The following SMYD2 variants were observed in gnomAD, a reference collection of about 807,000 sequenced individuals.
SMYD2 encodes the protein N-lysine methyltransferase SMYD2.
Under a neutral mutation model 59.1 loss-of-function variants are expected in SMYD2, and 53 were observed. The observed-to-expected ratio is 0.90, with a 90% CI of 0.72 to 1.13. SMYD2 has a LOEUF of 1.13. Among genes scored for constraint, SMYD2 ranks in the 50% most tolerant of loss-of-function variants. The pLI, the probability that SMYD2 is intolerant of heterozygous loss-of-function variation, is 0.00. For missense variants in SMYD2, 494 were observed against 544.7 expected (o/e 0.91, Z 0.93); for synonymous variants, 208 against 198.8 (o/e 1.05, Z -0.39).
intron 7 of SMYD2, among the ~76,000 whole-genome samples, chr1:214,328,462 A>ACCTAC (rs35438099): frequency 6.6e-6 from 1 of 151,878 alleles, no homozygotes; most frequent in South Asian, 2.1e-4. Flanking sequence ...GTGATTCCTG[A>ACCTAC]CTACCTCATG....
chr1:214,300,800 T>G (rs187456353), intron 1 of SMYD2, among the ~76,000 whole-genome samples: 1 of 152,332 alleles, frequency 6.6e-6, no homozygotes, highest in Admixed American at 6.5e-5. Context: ...CTCATTATCT[T>G]CATTTGAAAA....
At chr1:214,310,640 A>C (rs1220758196) in intron 2 of SMYD2, among the ~76,000 whole-genome samples, 2 of 152,000 alleles carry the variant, frequency 1.3e-5, no homozygotes, top group African/African-American at 4.8e-5. Context: ...ACATTTAAAA[A>C]AGCATAAAGA....
At chr1:214,286,666 A>C (rs1656551148) in intron 1 of SMYD2, among the ~76,000 whole-genome samples, 1 of 146,880 alleles carries the variant, frequency 6.8e-6, no homozygotes, top group Admixed American at 6.9e-5. Flanking sequence ...AGGCTGAGGC[A>C]GGAGAATGGC....
intron 1 of SMYD2, among the ~76,000 whole-genome samples, chr1:214,286,051 G>A (rs539868377): frequency 6.6e-6 from 1 of 152,340 alleles, no homozygotes. Context: ...CCTTATTTCA[G>A]TAGAAACCGC....
At chr1:214,335,942 A>G (rs1273907777) in intron 11 of SMYD2, among the ~76,000 whole-genome samples, 4 of 152,236 alleles carry the variant, frequency 2.6e-5, no homozygotes, top group African/African-American at 9.6e-5. Flanking sequence ...GCTTTTCGAA[A>G]GGGAAAAATA....
Position 214,281,342 on chromosome 1 carries a change from G to A in SMYD2, c.88G>A (p.Gly30Arg). Residue 30 changes from glycine (G) to arginine (R), a missense_variant, in exon 1 of 12, where the codon GGG becomes AGG. Physicochemically the swap from Gly to Arg is moderately radical, Grantham distance 125. Transcript: ENST00000366957. ...GCGGGCTCTGCAGCCCTTCCAGGTGGGGGACTTGCTGTTCTCCTGCCCGGC... is the reference window on the plus strand; with the variant it reads ...GCGGGCTCTGCAGCCCTTCCAGGTGAGGGACTTGCTGTTCTCCTGCCCGGC... ...GLRALQPFQVGDLLFSCPAYA... is the reference protein window; with the variant it reads ...GLRALQPFQVRDLLFSCPAYA... 2 of 1,448,678 alleles carry A rather than the reference G, an allele frequency of 1.4e-6. 1 individual carries two copies. The highest frequency in any genetic ancestry group is 3.0e-5 in the South Asian group (2 of 65,842). 89.7% of individuals were successfully genotyped at this position (1,448,678 alleles called of 1,614,324 possible).
chr1:214,284,773 C>G (rs1197777799), intron 1 of SMYD2, among the ~76,000 whole-genome samples: 3 of 152,194 alleles, frequency 2.0e-5, no homozygotes, highest in Non-Finnish European at 4.4e-5. Flanking sequence ...ACCTCAGCCT[C>G]TCAAAGTGCT....
chr1:214,317,247 A>G (rs1657101475), intron 3 of SMYD2, among the ~76,000 whole-genome samples: 2 of 152,208 alleles, frequency 1.3e-5, no homozygotes, highest in Admixed American at 6.5e-5. Context: ...TACTACTACT[A>G]CTAATAGTGT....
At chr1:214,299,407 A>G (rs1656784070) in intron 1 of SMYD2, among the ~76,000 whole-genome samples, 1 of 151,712 alleles carries the variant, frequency 6.6e-6, no homozygotes, top group African/African-American at 2.4e-5. Context: ...TGTTCACACT[A>G]GCAAAGACAC....
At chr1:214,316,235 C>T (rs1463598582) in intron 3 of SMYD2, among the ~76,000 whole-genome samples, 1 of 152,038 alleles carries the variant, frequency 6.6e-6, no homozygotes, top group Non-Finnish European at 1.5e-5. Flanking sequence ...CTTTGGGAGG[C>T]CAAGGCAGAA....
At chr1:214,320,292 C>G (rs939207273) in intron 5 of SMYD2, among the ~76,000 whole-genome samples, 3 of 152,156 alleles carry the variant, frequency 2.0e-5, no homozygotes, top group African/African-American at 7.2e-5. Flanking sequence ...TACGAAAACA[C>G]ACATACATAA....
chr1:214,324,618 T>C (rs1190068722), intron 5 of SMYD2, 23 bp from the exon 6 acceptor site: 1 of 1,592,268 alleles, frequency 6.3e-7, no homozygotes, highest in East Asian at 2.2e-5. Context: ...ATTTTTTTCC[T>C]TTCTCCCTTT....
intron 2 of SMYD2, among the ~76,000 whole-genome samples, chr1:214,306,699 A>G (rs1656920443): frequency 1.3e-5 from 2 of 152,264 alleles, no homozygotes; most frequent in African/African-American, 4.8e-5. Context: ...CAGGCCTGCC[A>G]GATGAGTTAG....
chr1:214,330,247 G>C lies in SMYD2; in HGVS notation c.785G>C (p.Cys262Ser). 1 of 1,613,388 alleles carries C rather than the reference G, an allele frequency of 6.2e-7. No homozygotes were observed. The highest frequency in any genetic ancestry group is 8.5e-7 in the Non-Finnish European group (1 of 1,179,518). Residue 262 changes from cysteine (C) to serine (S), a missense_variant, in exon 8 of 12, where the codon TGT becomes TCT. Transcript: ENST00000366957. ...DRLRDSYFFT[C>S]ECQECTTKDK... ...TTAAGAGATTCTTATTTCTTTACCT[G>C]TGAGTGCCAGGAGTGTACCACCAAG...
At chr1:214,291,764 G>C (rs887644403) in intron 1 of SMYD2, among the ~76,000 whole-genome samples, 4 of 152,116 alleles carry the variant, frequency 2.6e-5, no homozygotes, top group Admixed American at 2.6e-4. Flanking sequence ...CAAACTAAGA[G>C]AGAGCTTCGA....
chr1:214,296,741 A>C (rs1209035381), intron 1 of SMYD2, among the ~76,000 whole-genome samples: 1 of 151,046 alleles, frequency 6.6e-6, no homozygotes, highest in African/African-American at 2.4e-5. Context: ...AACTTGCCCA[A>C]GATCACATAG....
intron 8 of SMYD2, among the ~76,000 whole-genome samples, 181 bp downstream of exon 8, chr1:214,330,459 A>G (rs1657333894): frequency 6.6e-6 from 1 of 152,226 alleles, no homozygotes; most frequent in African/African-American, 2.4e-5. Context: ...TGCTCCTAGT[A>G]GCTAAAGAAA....
At chr1:214,290,537 A>G (rs1354421506) in intron 1 of SMYD2, among the ~76,000 whole-genome samples, 2 of 152,180 alleles carry the variant, frequency 1.3e-5, no homozygotes, top group Admixed American at 1.3e-4. Flanking sequence ...TGCTATAATA[A>G]CAAAGACACT....
At chr1:214,286,630 G>A (rs936404424) in intron 1 of SMYD2, among the ~76,000 whole-genome samples, 1 of 151,226 alleles carries the variant, frequency 6.6e-6, no homozygotes, top group East Asian at 1.9e-4. Flanking sequence ...AATTAGCCAG[G>A]TGTAGTATAG....
Sources: gnomAD v4.1 joint callset for allele counts (sites outside exome capture counted in the v4.1 genomes callset) on GRCh38, gnomAD v4.1.1 for gene constraint, MANE v1.5 for transcripts, NCBI Gene and HGNC (gene_info 2026-07-23, HGNC 2026-07-21) for gene names.